Variants in ENOX2 observed in about 807,000 individuals in gnomAD.
ENOX2 encodes the protein APK1 antigen.
A neutral mutation model predicts 45.0 loss-of-function variants in ENOX2; 36 were observed. The observed-to-expected ratio is 0.80, with a 90% CI of 0.61 to 1.06. The LOEUF is 1.06. Ranked by LOEUF, ENOX2 falls within the 50% of genes least tolerant of loss-of-function variation. The pLI, the probability that ENOX2 is intolerant of heterozygous loss-of-function variation, is 0.00. For synonymous variants in ENOX2, 174 were observed against 152.3 expected, an observed-to-expected ratio of 1.14 and a Z score of -1.05; for missense variants, 423 against 462.5, an observed-to-expected ratio of 0.91 and a Z score of 0.78.
chrX:130,838,928 C>A (rs1183649755), intron 2 of ENOX2, among the ~76,000 whole-genome samples: 1 of 111,858 alleles, frequency 8.9e-6, no homozygotes, highest in East Asian at 2.8e-4. Flanking sequence ...TCCTGTAGCT[C>A]TTTCCTAGGA....
At chrX:130,655,254 G>A (rs767524398) in intron 10 of ENOX2, among the ~76,000 whole-genome samples, 3 of 112,311 alleles carry the variant, frequency 2.7e-5, no homozygotes, top group Non-Finnish European at 5.6e-5. Context: ...ATAGATAGCA[G>A]TTTGTATGTT....
intron 10 of ENOX2, among the ~76,000 whole-genome samples, chrX:130,655,918 G>A (rs1315329791): frequency 8.9e-6 from 1 of 112,270 alleles, no homozygotes; most frequent in African/African-American, 3.2e-5. Flanking sequence ...GATTACAGGC[G>A]TGAGCCACAG....
chrX:130,736,358 CA>C (rs373978092), intron 3 of ENOX2, among the ~76,000 whole-genome samples: 76 of 94,694 alleles, frequency 8.0e-4, no homozygotes, highest in Middle Eastern at 5.9e-3. Flanking sequence ...GACTCCATCT[CA>C]AAAAAAAAAA....
intron 1 of ENOX2, among the ~76,000 whole-genome samples, chrX:130,902,624 C>CA (rs1424243002): frequency 9.2e-6 from 1 of 109,064 alleles, no homozygotes; most frequent in Non-Finnish European, 1.9e-5. Context: ...GTTATGTGCC[C>CA]AAACCTGAAA....
intron 2 of ENOX2, 30 bp from the exon 3 acceptor site, chrX:130,783,720 G>A (rs903442309): frequency 7.2e-6 from 2 of 278,650 alleles, no homozygotes; most frequent in African/African-American, 5.7e-5. Context: ...CCAAAGTCCA[G>A]ACTCCATTAA....
intron 2 of ENOX2, among the ~76,000 whole-genome samples, chrX:130,878,676 T>C (rs1391343458): frequency 8.9e-6 from 1 of 111,992 alleles, no homozygotes; most frequent in Non-Finnish European, 1.9e-5. Flanking sequence ...GAATGGAAAC[T>C]TGGGCATAGT....
rs1308447341 is a variant in ENOX2 at position 130,781,206 on chromosome X, T to C, written c.-39+2341A>G. Among the ~76,000 whole-genome samples the C allele has an allele frequency of 3.6e-5, 4 of 112,016 alleles. No individual in the cohort carries two copies. In the Admixed American group the frequency reaches 3.8e-4, roughly 11 times the overall value. On this transcript the variant is annotated intron_variant, in intron 3 of 14. Transcript: ENST00000394363. ...TAATTTGGACTACACTAATTTGGAA[T>C]TTGTGGTAATTTAACCTGGGTTGGA...
At chrX:130,651,562 T>A (rs2036400450) in intron 10 of ENOX2, among the ~76,000 whole-genome samples, 1 of 111,758 alleles carries the variant, frequency 8.9e-6, no homozygotes, top group Non-Finnish European at 1.9e-5. Flanking sequence ...CCACTCTCTC[T>A]TATCCTGGGC....
chrX:130,880,472 T>C (rs1175880343), intron 2 of ENOX2, among the ~76,000 whole-genome samples: 2 of 112,090 alleles, frequency 1.8e-5, no homozygotes. Context: ...TATCTCTTTA[T>C]GTACAGACTA....
rs1174543682 is a variant in ENOX2, at chrX:130,752,275, A to G, written c.-39+31272T>C. Among the ~76,000 whole-genome samples the G allele has an allele frequency of 7.6e-5, 8 of 105,104 alleles. No homozygotes were observed. The East Asian group carries it at 2.4e-3, about 31-fold the overall frequency. The allele number at this position is 105,104 out of a possible 115,157, so 91.3% of individuals were successfully genotyped here. On this transcript the variant is annotated intron_variant, in intron 3 of 14. Coordinates refer to ENST00000394363, the MANE Select transcript of ENOX2 (RefSeq NM_006375.4). ...TCACTATTTCTCCCTGCCCTCATTC[A>G]TCTCTCAGTTTGTCTCTCTGTCCAT...
intron 3 of ENOX2, among the ~76,000 whole-genome samples, chrX:130,724,280 G>C (rs146221602): frequency 2.1e-3 from 234 of 112,603 alleles, no homozygotes; most frequent in Middle Eastern, 4.6e-3. Context: ...AAGTCATAGA[G>C]ATAATATCGG....
chrX:130,650,669 C>T (rs1229562814), intron 10 of ENOX2, among the ~76,000 whole-genome samples: 1 of 112,031 alleles, frequency 8.9e-6, no homozygotes, highest in Non-Finnish European at 1.9e-5. Context: ...TAGTTCTTGG[C>T]TTCTCCTTTT....
intron 2 of ENOX2, among the ~76,000 whole-genome samples, chrX:130,869,991 G>A (rs1325519329): frequency 8.9e-6 from 1 of 111,874 alleles, no homozygotes; most frequent in Admixed American, 9.5e-5. Context: ...TTATGAAAGA[G>A]AGAGAGGAAG....
At chrX:130,717,041 T>C (rs1227608786) in intron 3 of ENOX2, among the ~76,000 whole-genome samples, 7 of 111,901 alleles carry the variant, frequency 6.3e-5, no homozygotes. Context: ...CTTACAGGGA[T>C]TGGCAGAGCA....
chrX:130,898,012 CTT>C (rs1307955738), intron 2 of ENOX2, among the ~76,000 whole-genome samples: 1 of 104,761 alleles, frequency 9.5e-6, no homozygotes. Context: ...TTTAAAATAA[CTT>C]TTTTTTTTTT....
intron 3 of ENOX2, among the ~76,000 whole-genome samples, chrX:130,734,417 G>A (rs1443826190): frequency 2.7e-5 from 3 of 111,463 alleles, no homozygotes; most frequent in Non-Finnish European, 5.6e-5. Context: ...TGAAGGAGAC[G>A]AGGGCAGGCC....
chrX:130,630,188 C>G (rs912796695), intron 13 of ENOX2, among the ~76,000 whole-genome samples: 1 of 111,139 alleles, frequency 9.0e-6, no homozygotes, highest in African/African-American at 3.3e-5. Flanking sequence ...TGGACCTCAT[C>G]AAAGCCCACT....
At chrX:130,661,193 CT>C (rs775328883) in intron 9 of ENOX2, among the ~76,000 whole-genome samples, 269 of 95,769 alleles carry the variant, frequency 2.8e-3, no homozygotes, top group East Asian at 7.0e-3. Flanking sequence ...GCCAGAGTTT[CT>C]TTTTTTTTTT....
intron 2 of ENOX2, among the ~76,000 whole-genome samples, chrX:130,861,175 T>C (rs1184186775): frequency 8.9e-6 from 1 of 111,766 alleles, no homozygotes; most frequent in Non-Finnish European, 1.9e-5. Context: ...TTAGTGAAAA[T>C]GTATATTGAA....
Sources: allele counts gnomAD v4.1 joint callset (sites outside exome capture counted in the v4.1 genomes callset), GRCh38; gene constraint gnomAD v4.1.1; transcripts MANE v1.5; gene names NCBI Gene and HGNC (gene_info 2026-07-23, HGNC 2026-07-21).